Variants in GALNT17 observed in about 807,000 individuals in gnomAD.
GALNT17 encodes UDP-GalNAc:polypeptide N-acetylgalactosaminyltransferase-like 3.
In GALNT17, 29 loss-of-function variants were observed where a neutral mutation model predicts 63.7. The observed-to-expected ratio is 0.46, with a 90% CI of 0.34 to 0.62. The LOEUF (loss-of-function observed/expected upper bound fraction) is 0.62, where lower values mean the gene tolerates loss of function less well. Ranked by LOEUF, GALNT17 falls within the 20% of genes least tolerant of loss-of-function variation. The pLI, the probability that GALNT17 is intolerant of heterozygous loss-of-function variation, is 0.01. For missense variants in GALNT17, 603 were observed against 799.6 expected (o/e 0.75, Z 2.97); for synonymous variants, 305 against 318.3 (o/e 0.96, Z 0.45).
chr7:71,179,344 A>G (rs949684381), intron 1 of GALNT17, among the ~76,000 whole-genome samples: 1 of 152,182 alleles, frequency 6.6e-6, no homozygotes, highest in Non-Finnish European at 1.5e-5. Context: ...TTCATCTTAC[A>G]TATGTTGATT....
chr7:71,549,886 G>A (rs1789047967), intron 5 of GALNT17, among the ~76,000 whole-genome samples: 1 of 151,788 alleles, frequency 6.6e-6, no homozygotes, highest in African/African-American at 2.4e-5. Context: ...AGCATCCAGA[G>A]AAAGCGTGTG....
At chr7:71,496,010 T>C (rs1359264547) in intron 5 of GALNT17, among the ~76,000 whole-genome samples, 1 of 152,170 alleles carries the variant, frequency 6.6e-6, no homozygotes, top group Non-Finnish European at 1.5e-5. Context: ...TGATATTGAA[T>C]GGCAAGGCCA....
intron 1 of GALNT17, among the ~76,000 whole-genome samples, chr7:71,265,837 G>A (rs2115662146): frequency 6.6e-6 from 1 of 152,320 alleles, no homozygotes; most frequent in African/African-American, 2.4e-5. Context: ...GGATGTATTA[G>A]TTTCATGCTG....
At chr7:71,165,472 A>G (rs201745000) in intron 1 of GALNT17, among the ~76,000 whole-genome samples, 2 of 44,460 alleles carry the variant, frequency 4.5e-5, no homozygotes, top group East Asian at 5.8e-3. Context: ...AGACAAGAGA[A>G]GAGAGAGAAG....
At chr7:71,590,980 C>T (rs932121467) in intron 6 of GALNT17, among the ~76,000 whole-genome samples, 58 of 151,448 alleles carry the variant, frequency 3.8e-4, no homozygotes, top group African/African-American at 1.4e-3. Flanking sequence ...AGGCTGGTCT[C>T]GAACTCTTGA....
chr7:71,337,895 C>A (rs776985799), intron 2 of GALNT17, among the ~76,000 whole-genome samples: 2 of 151,546 alleles, frequency 1.3e-5, no homozygotes, highest in Non-Finnish European at 2.9e-5. Flanking sequence ...AAACAAACAA[C>A]AACAACAAAA....
intron 1 of GALNT17, among the ~76,000 whole-genome samples, chr7:71,191,452 C>T (rs902316487): frequency 2.0e-5 from 3 of 152,034 alleles, no homozygotes; most frequent in African/African-American, 7.2e-5. Context: ...ATCTCTGTAG[C>T]AACTACTCAA....
At chr7:71,659,455 C>T (rs935438663) in intron 6 of GALNT17, among the ~76,000 whole-genome samples, 2 of 152,210 alleles carry the variant, frequency 1.3e-5, no homozygotes, top group Admixed American at 6.5e-5. Flanking sequence ...CACATGGCCT[C>T]ACTCCCATGC....
At chr7:71,347,029 G>A (rs941264551) in intron 2 of GALNT17, among the ~76,000 whole-genome samples, 6 of 152,078 alleles carry the variant, frequency 3.9e-5, no homozygotes, top group African/African-American at 1.2e-4. Flanking sequence ...GAGGAGGAAC[G>A]TTATTTGCTA....
rs116115442 is a variant in GALNT17 at position 71,515,520 on chromosome 7, G to A, written c.963-55765G>A. On this transcript the variant is annotated intron_variant, in intron 5 of 10. Transcript: ENST00000333538. ...ATCAGACGCAGTGATAGTGTCTTTC[G>A]AGGTTGGGCTTCTAAGGAGCACTCC... Among the ~76,000 whole-genome samples the A allele has an allele frequency of 2.8e-3, 428 of 152,240 alleles. 2 individuals carry two copies. Among genetic ancestry groups the A allele is most frequent in the African/African-American group, 9.0e-3 (372 of 41,530 alleles).
At chr7:71,285,632 A>C (rs562401978) in intron 1 of GALNT17, among the ~76,000 whole-genome samples, 8 of 152,156 alleles carry the variant, frequency 5.3e-5, no homozygotes, top group African/African-American at 1.9e-4. Flanking sequence ...AGCTCTCAGG[A>C]ATGGGACTGG....
intron 1 of GALNT17, among the ~76,000 whole-genome samples, chr7:71,274,962 G>T (rs1240797940): frequency 6.6e-6 from 1 of 152,238 alleles, no homozygotes; most frequent in Admixed American, 6.5e-5. Context: ...GTCGAAAGGG[G>T]AGCAGACCAC....
At chr7:71,143,605 C>G (rs1787958351) in intron 1 of GALNT17, among the ~76,000 whole-genome samples, 1 of 151,764 alleles carries the variant, frequency 6.6e-6, no homozygotes, top group African/African-American at 2.4e-5. Flanking sequence ...CTGGACTGGG[C>G]CAGGTTTTGG....
chr7:71,505,614 G>A (rs1788254154), intron 5 of GALNT17, among the ~76,000 whole-genome samples: 1 of 152,030 alleles, frequency 6.6e-6, no homozygotes, highest in Admixed American at 6.6e-5. Context: ...AAAGAAGTCA[G>A]CTCTCCTGGA....
chr7:71,386,535 G>A (rs1048476613), intron 2 of GALNT17, among the ~76,000 whole-genome samples: 2 of 152,122 alleles, frequency 1.3e-5, no homozygotes, highest in South Asian at 2.1e-4. Context: ...CTCCCTGGAC[G>A]GACTCTCGGT....
At chr7:71,302,811 C>G (rs1791224810) in intron 1 of GALNT17, among the ~76,000 whole-genome samples, 1 of 152,178 alleles carries the variant, frequency 6.6e-6, no homozygotes, top group Non-Finnish European at 1.5e-5. Flanking sequence ...AATTTTTATG[C>G]ATGTAATTAA....
intron 1 of GALNT17, among the ~76,000 whole-genome samples, chr7:71,136,186 C>T (rs944712466): frequency 2.6e-5 from 4 of 152,118 alleles, no homozygotes; most frequent in African/African-American, 9.7e-5. Context: ...GAGGCTGCTC[C>T]GAGAAGGCAA....
At chr7:71,490,974 A>G (rs1787996338) in intron 5 of GALNT17, among the ~76,000 whole-genome samples, 1 of 152,118 alleles carries the variant, frequency 6.6e-6, no homozygotes, top group Admixed American at 6.6e-5. Flanking sequence ...CAGGCGGATC[A>G]CCTGAGGTTG....
rs59368494 is a variant in GALNT17, at chr7:71,449,108, C to CTTTTTTTTTTTTTTTTTTTTTTT, written c.962+28025_962+28026insTTTTTTTTTTTTTTTTTTTTTTT. On this transcript the variant is annotated intron_variant, in intron 5 of 10. Transcript: ENST00000333538. ...ATTAGAAATAACAGCTGCCTATTTT[C>CTTTTTTTTTTTTTTTTTTTTTTT]TTTTTTTTTTTTTTTTTTTTTTGAG... 1.8e-4 allele frequency among the ~76,000 whole-genome samples: 13 copies of CTTTTTTTTTTTTTTTTTTTTTTT among 72,750 alleles called. 4 individuals are homozygous for CTTTTTTTTTTTTTTTTTTTTTTT. Among genetic ancestry groups the CTTTTTTTTTTTTTTTTTTTTTTT allele is most frequent in the South Asian group, 1.2e-3 (2 of 1,704 alleles). The allele number at this position is 72,750 out of a possible 152,430, so 47.7% of individuals were successfully genotyped here.
Sources: gnomAD v4.1 joint callset for allele counts (sites outside exome capture counted in the v4.1 genomes callset) on GRCh38, gnomAD v4.1.1 for gene constraint, MANE v1.5 for transcripts, NCBI Gene and HGNC (gene_info 2026-07-23, HGNC 2026-07-21) for gene names.